The following KMT2D variants were observed in gnomAD, a reference collection of about 807,000 sequenced individuals.
KMT2D encodes the protein lysine methyltransferase 2D, also known as histone-lysine N-methyltransferase 2D.
KMT2D carries 55 observed loss-of-function variants against 512.7 expected under a neutral mutation model. The observed-to-expected ratio is 0.11, with a 90% CI of 0.09 to 0.13. The LOEUF (loss-of-function observed/expected upper bound fraction) is 0.13, where lower values mean the gene tolerates loss of function less well. Ranked by LOEUF, KMT2D falls within the 10% of genes least tolerant of loss-of-function variation. The pLI is 1.00. For missense variants in KMT2D, 6,061 were observed against 7,127.9 expected (o/e 0.85, Z 5.39); for synonymous variants, 2,995 against 2,904.0 (o/e 1.03, Z -1.01).
chr12:49,044,441 T>A lies in KMT2D; in HGVS notation c.5045A>T (p.Glu1682Val). ...PDVEPGKEET[E>V]ESKKRKRKPY... is the part of the protein sequence containing the mutation. ...TTTACGCTTGCGTTTTTTGCTTTCCTCGGTCTCCTCTTTGCCAGGCTCCAC... is the reference window on the plus strand; with the variant it reads ...TTTACGCTTGCGTTTTTTGCTTTCCACGGTCTCCTCTTTGCCAGGCTCCAC... Residue 1682 changes from glutamate to valine, a missense_variant, in exon 21 of 55, where the codon GAG becomes GTG. Around this residue, in one of 16 missense-constraint regions of KMT2D, gnomAD observed 640 missense variants for 814.3 expected, o/e 0.79. Coordinates refer to ENST00000301067, the MANE Select transcript of KMT2D (RefSeq NM_003482.4). This position sits in a 1 kb window ranked among gnomAD's most constrained non-coding sequence, Gnocchi z 6.4. 1.9e-6 allele frequency: 3 copies of A among 1,613,870 alleles called. No homozygotes were observed. The highest frequency in any genetic ancestry group is 2.5e-6 in the Non-Finnish European group (3 of 1,179,872).
rs1592131508 is a variant in KMT2D, at chr12:49,038,572, A to T, written c.8784T>A (p.Gly2928=). The T allele has an allele frequency of 6.2e-7, 1 of 1,612,222 alleles. No homozygotes were observed. The highest frequency in any genetic ancestry group is 8.5e-7 in the Non-Finnish European group (1 of 1,179,064). ...PEGLRGLAVS[G]LPPQKPSAPP... is the part of the protein sequence containing the mutation. ...GGGCTGAGGGTTTCTGTGGGGGAAGACCTGATACCGCCAGGCCCCGAAGCC... is the reference window on the plus strand; with the variant it reads ...GGGCTGAGGGTTTCTGTGGGGGAAGTCCTGATACCGCCAGGCCCCGAAGCC... Residue 2928 remains glycine, a synonymous_variant, in exon 35 of 55, where the codon GGT becomes GGA. Coordinates refer to ENST00000301067, the MANE Select transcript of KMT2D (RefSeq NM_003482.4). This position sits in a 1 kb window ranked among gnomAD's most constrained non-coding sequence, Gnocchi z 5.7.
At position 49,026,726 on chromosome 12, in the gene KMT2D, C is replaced by T. The variant is rs1342482531; in HGVS notation, c.15240G>A (p.Val5080=). 1.2e-6 allele frequency: 2 copies of T among 1,614,004 alleles called. No individual in the cohort carries two copies. The highest frequency in any genetic ancestry group is 1.7e-6 in the Non-Finnish European group (2 of 1,179,878). ...GCAGTCCTCGGTGCAGGGCAACCTC[C>T]ACATTCATCAGTGCCCCGCCCTGGG... ...YETQGGALMN[V]EVALHRGLLT... The change falls in exon 49 of 55, where the codon GTG becomes GTA. Residue 5080 remains valine (V), a synonymous_variant. Transcript: ENST00000301067. The surrounding 1 kb of genome is among the most constrained non-coding windows in gnomAD (Gnocchi z 9.6).
Position 49,031,186 on chromosome 12 carries a change from T to C in KMT2D, c.13519A>G (p.Ser4507Gly). Residue 4507 changes from serine (S) to glycine (G), a missense_variant, in exon 40 of 55, where the codon AGC becomes GGC. By Grantham distance (56) the Ser-to-Gly change is moderately conservative. Around this residue, in one of 16 missense-constraint regions of KMT2D, gnomAD observed 1,600 missense variants for 1,754.9 expected, o/e 0.91. Coordinates refer to ENST00000301067, the MANE Select transcript of KMT2D (RefSeq NM_003482.4). ...CTCAGAGTACTCACCTCCTTGTTGCTGGGGGTACCCTGTAGTTTCTGCTCC... is the reference window on the plus strand; with the variant it reads ...CTCAGAGTACTCACCTCCTTGTTGCCGGGGGTACCCTGTAGTTTCTGCTCC... ...GLEQKLQGTPSNKEDAAARKP... is the reference protein window; with the variant it reads ...GLEQKLQGTPGNKEDAAARKP... 2.5e-6 allele frequency: 4 copies of C among 1,608,544 alleles called. No homozygotes were observed. Among genetic ancestry groups the C allele is most frequent in the African/African-American group, 1.3e-5 (1 of 74,982 alleles).
At position 49,034,647 on chromosome 12, in the gene KMT2D, C is replaced by A; in HGVS notation, c.10375G>T (p.Ala3459Ser). The A allele has an allele frequency of 1.9e-6, 3 of 1,613,306 alleles. No homozygotes were observed. The highest frequency in any genetic ancestry group is 2.5e-6 in the Non-Finnish European group (3 of 1,179,664). ...CTAGGTCCCCCCGAGAGCCTCTGGGCTAGCAGAGACACTTGCTGTCTGGAG... is the reference window on the plus strand; with the variant it reads ...CTAGGTCCCCCCGAGAGCCTCTGGGATAGCAGAGACACTTGCTGTCTGGAG... ...GMNRQQVSLL[A>S]QRLSGGPSSD... The change falls in exon 37 of 55, where the codon GCC becomes TCC. Residue 3459 changes from alanine (A) to serine (S), a missense_variant. By Grantham distance (99) the Ala-to-Ser change is moderately conservative (BLOSUM62 1). Around this residue, in one of 16 missense-constraint regions of KMT2D, gnomAD observed 533 missense variants for 539.6 expected, o/e 0.99. Transcript: ENST00000301067.
chr12:49,042,100 T>C lies in KMT2D; in HGVS notation c.6098A>G (p.Gln2033Arg). 1.9e-6 allele frequency: 3 copies of C among 1,613,770 alleles called. No homozygotes were observed. The highest frequency in any genetic ancestry group is 2.5e-6 in the Non-Finnish European group (3 of 1,179,774). The change falls in exon 29 of 55, where the codon CAA (glutamine) becomes CGA (arginine). Residue 2033 changes from glutamine to arginine, a missense_variant. Coordinates refer to ENST00000301067, the MANE Select transcript of KMT2D (RefSeq NM_003482.4). The surrounding 1 kb of genome is among the most constrained non-coding windows in gnomAD (Gnocchi z 4.4). ...CATCCCACAGGTACCTGGGTAGTCTTGCTTGAGATTAGGAAAATTAATGTT... is the reference window on the plus strand; with the variant it reads ...CATCCCACAGGTACCTGGGTAGTCTCGCTTGAGATTAGGAAAATTAATGTT... Reference protein sequence around the residue: ...YANINFPNLKQDYPDWSSRCK... With the variant: ...YANINFPNLKRDYPDWSSRCK...
rs766537639 is a variant in KMT2D at position 49,044,831 on chromosome 12, A to G, written c.4876T>C (p.Leu1626=). The change falls in exon 20 of 55, where the codon TTG becomes CTG. Residue 1626 remains leucine (L), a synonymous_variant. Coordinates refer to ENST00000301067, the MANE Select transcript of KMT2D (RefSeq NM_003482.4). This position sits in a 1 kb window ranked among gnomAD's most constrained non-coding sequence, Gnocchi z 6.4. The stretch of plus-strand genomic sequence containing the variant: ...GCATCTGAGGGCTCAGAACCCTCCA[A>G]TCCTGCCTCGCCTGGGAGGCCAAGC... ...GRLGLPGEAG[L]EGSEPSDALG... is the part of the protein sequence containing the mutation. 1 of 1,613,736 alleles carries G rather than the reference A, an allele frequency of 6.2e-7. No homozygotes were observed. Among genetic ancestry groups the G allele is most frequent in the Non-Finnish European group, 8.5e-7 (1 of 1,179,816 alleles).
rs1396382997 is a variant in KMT2D at position 49,046,715 on chromosome 12, C to T, written c.4312G>A (p.Asp1438Asn). The change falls in exon 16 of 55, where the codon GAC (aspartate) becomes AAC (asparagine). Residue 1438 changes from aspartate to asparagine, a missense_variant. Asp to Asn is a conservative substitution (Grantham distance 23). Around this residue, in one of 16 missense-constraint regions of KMT2D, gnomAD observed 53 missense variants for 148.3 expected, o/e 0.36. Transcript: ENST00000301067. The surrounding 1 kb of genome is among the most constrained non-coding windows in gnomAD (Gnocchi z 4.2). ...IVCEVCGQAS[D>N]PSRLLLCDDC... ...TCACAGAGCAGCAGGCGTGAGGGGT[C>T]GGAGGCCTGGCCACACACCTCACAC... is the stretch of plus-strand genomic sequence containing the variant. 1.9e-6 allele frequency: 3 copies of T among 1,613,880 alleles called. No homozygotes were observed. The highest frequency in any genetic ancestry group is 1.7e-6 in the Non-Finnish European group (2 of 1,179,856).
chr12:49,019,214 A>T lies in KMT2D; in HGVS notation c.*2566T>A. 1.0e-6 allele frequency: 1 copy of T among 1,003,264 alleles called. No individual in the cohort carries two copies. Among genetic ancestry groups the T allele is most frequent in the Non-Finnish European group, 1.2e-6 (1 of 819,326 alleles). The allele number at this position is 1,003,264 out of a possible 1,614,324, so 62.1% of individuals were successfully genotyped here. A position where few individuals can be genotyped will look rare whatever the true frequency, so the allele number is the denominator to read the frequency against. On this transcript the variant is annotated 3_prime_UTR_variant, in exon 55 of 55. Coordinates refer to ENST00000301067, the MANE Select transcript of KMT2D (RefSeq NM_003482.4). ...CCTTGCTGTACAGGATACACACAAC[A>T]CAAAATAAAGTCTTCACGGGATTCA...
intron 46 of KMT2D, 71 bp downstream of exon 46, chr12:49,028,757 T>C (rs1298608938): frequency 5.7e-6 from 9 of 1,585,984 alleles, no homozygotes; most frequent in Non-Finnish European, 7.7e-6. Context: ...CATTTTTCCT[T>C]ATCCAGACAA....
At position 49,049,199 on chromosome 12, in the gene KMT2D, G is replaced by A. The variant is rs868758414; in HGVS notation, c.3926C>T (p.Pro1309Leu). Residue 1309 changes from proline to leucine, a missense_variant, in exon 13 of 55, where the codon CCA (proline) becomes CTA (leucine). Around this residue, in one of 16 missense-constraint regions of KMT2D, gnomAD observed 447 missense variants for 500.1 expected, o/e 0.89. Coordinates refer to ENST00000301067, the MANE Select transcript of KMT2D (RefSeq NM_003482.4). ...RIKQGRSSSFPGRRRPRGGAH... is the reference protein window; with the variant it reads ...RIKQGRSSSFLGRRRPRGGAH... ...TCCTCCACGAGGCCGGCGTCTTCCT[G>A]GGAAACTGCTGCTGCGACCCTGAGT... The A allele has an allele frequency of 8.1e-6, 13 of 1,605,364 alleles. No homozygotes were observed. The Middle Eastern group carries it at 2.2e-3, about 266-fold the overall frequency.
chr12:49,058,872 G>A (rs1317160029), intron 1 of KMT2D, among the ~76,000 whole-genome samples: 1 of 152,120 alleles, frequency 6.6e-6, no homozygotes, highest in Non-Finnish European at 1.5e-5. Flanking sequence ...AATCTCAACG[G>A]CCTCCTCTAT....
In KMT2D at chr12:49,046,911, T is replaced by C; in HGVS notation, c.4237-121A>G. 1 of 844,772 alleles carries C rather than the reference T, an allele frequency of 1.2e-6. No homozygotes were observed. The highest frequency in any genetic ancestry group is 1.8e-6 in the Non-Finnish European group (1 of 556,152). 52.3% of individuals were successfully genotyped at this position (844,772 alleles called of 1,614,324 possible). ...CCCAGGCTGGAGTGCAATGGCGCGA[T>C]CTCGGCTCACTGCAACCTCTGCCTC... On this transcript the variant is annotated intron_variant, in intron 15 of 54. Transcript: ENST00000301067. This position sits in a 1 kb window ranked among gnomAD's most constrained non-coding sequence, Gnocchi z 4.2.
At position 49,037,941 on chromosome 12, in the gene KMT2D, G is replaced by A. The variant is rs551794772; in HGVS notation, c.9415C>T (p.Pro3139Ser). 1.9e-6 allele frequency: 3 copies of A among 1,604,008 alleles called. No homozygotes were observed. Among genetic ancestry groups the A allele is most frequent in the African/African-American group, 2.7e-5 (2 of 74,870 alleles). The change falls in exon 35 of 55, where the codon CCC becomes TCC. Residue 3139 changes from proline (P) to serine (S), a missense_variant. Physicochemically the swap from Pro to Ser is moderately conservative, Grantham distance 74. Coordinates refer to ENST00000301067, the MANE Select transcript of KMT2D (RefSeq NM_003482.4). Reference sequence around the variant, plus strand: ...GCAGCAGGTGCGGGCTCTACCTTGGGGGTAGCAATGGTGAATTGGCAAGGA... The same window carrying A: ...GCAGCAGGTGCGGGCTCTACCTTGGAGGTAGCAATGGTGAATTGGCAAGGA... ...PSPCQFTIAT[P>S]KVEPAPAANS... is the part of the protein sequence containing the mutation.
Position 49,042,200 on chromosome 12 carries a change from G to T in KMT2D, c.5998C>A (p.Gln2000Lys). The change falls in exon 29 of 55, where the codon CAG (glutamine) becomes AAG (lysine). Residue 2000 changes from glutamine to lysine, a missense_variant. Gln to Lys is a moderately conservative substitution (Grantham distance 53). Coordinates refer to ENST00000301067, the MANE Select transcript of KMT2D (RefSeq NM_003482.4). This position sits in a 1 kb window ranked among gnomAD's most constrained non-coding sequence, Gnocchi z 4.4. ...EGEGDGLSYN[Q>K]RSLQRWEKDE... Reference sequence around the variant, plus strand: ...TTCTCCCAGCGCTGAAGACTCCGCTGGTTATAGGAGAGTCCGTCGCCCTCA... The same window carrying T: ...TTCTCCCAGCGCTGAAGACTCCGCTTGTTATAGGAGAGTCCGTCGCCCTCA... The T allele has an allele frequency of 6.2e-7, 1 of 1,608,828 alleles. No individual in the cohort carries two copies. Among genetic ancestry groups the T allele is most frequent in the Non-Finnish European group, 8.5e-7 (1 of 1,177,732 alleles).
At position 49,046,023 on chromosome 12, in the gene KMT2D, C is replaced by T. The variant is rs1203352893; in HGVS notation, c.4693+42G>A. 1.9e-6 allele frequency: 3 copies of T among 1,612,590 alleles called. No homozygotes were observed. Among genetic ancestry groups the T allele is most frequent in the Middle Eastern group, 1.7e-4 (1 of 6,060 alleles). ...GAGGTCCTGTCCCAAAGCAAGGTACCCCTGCTCTGACTCCTCCCCCTACCC... is the reference window on the plus strand; with the variant it reads ...GAGGTCCTGTCCCAAAGCAAGGTACTCCTGCTCTGACTCCTCCCCCTACCC... On this transcript the variant is annotated intron_variant, in intron 18 of 54. Coordinates refer to ENST00000301067, the MANE Select transcript of KMT2D (RefSeq NM_003482.4). The surrounding 1 kb of genome is among the most constrained non-coding windows in gnomAD (Gnocchi z 4.2).
In KMT2D at chr12:49,030,659, G is replaced by GC. The variant is rs797044740; in HGVS notation, c.13780dup (p.Ala4594GlyfsTer12). The GC allele has an allele frequency of 6.2e-7, 1 of 1,611,078 alleles. No individual in the cohort carries two copies. On this transcript the variant is annotated frameshift_variant, in exon 42 of 55. Transcript: ENST00000301067. LOFTEE classifies it high-confidence loss of function. Reference sequence around the variant, plus strand: ...AGTGGGCAGCGCCCCACTTCCAAAGGCCCCCCTCAGCTGGCTCTGCCCATT... The same window carrying GC: ...AGTGGGCAGCGCCCCACTTCCAAAGGCCCCCCCTCAGCTGGCTCTGCCCATT...
In KMT2D at chr12:49,033,252, AAAGCTCCAG is replaced by A; in HGVS notation, c.11444_11452del (p.Pro3815_Ala3817del). 6.4e-7 allele frequency: 1 copy of A among 1,556,524 alleles called. No homozygotes were observed. ...CTGTCTGTGAGGGCCCTGGGGGCCC[AAAGCTCCAG>A]GGTGCTGCTGCTGCAACACAGCCAC... On this transcript the variant is annotated inframe_deletion, in exon 40 of 55. Transcript: ENST00000301067.
rs886049474 is a variant in KMT2D, at chr12:49,031,760, T to C, written c.12945A>G (p.Gln4315=). ...GTAATTGTGAAGGTCTCTTTGGCTC[T>C]TGAGGGCTGGATGGTGGAGGTGTGG... ...VHPTPPPSSP[Q]EPKRPSQLPS... is the part of the protein sequence containing the mutation. The change falls in exon 40 of 55, where the codon CAA becomes CAG. Residue 4315 remains glutamine (Q), a synonymous_variant. Coordinates refer to ENST00000301067, the MANE Select transcript of KMT2D (RefSeq NM_003482.4). The C allele has an allele frequency of 3.7e-6, 6 of 1,612,570 alleles. No homozygotes were observed. Among genetic ancestry groups the C allele is most frequent in the Non-Finnish European group, 5.1e-6 (6 of 1,179,202 alleles).
intron 1 of KMT2D, among the ~76,000 whole-genome samples, chr12:49,059,349 G>A (rs1049272868): frequency 1.3e-5 from 2 of 152,080 alleles, no homozygotes; most frequent in African/African-American, 4.8e-5. Context: ...AAAATAAACA[G>A]GCAGAGAGGC....
Sources: gnomAD v4.1 joint callset for allele counts (sites outside exome capture counted in the v4.1 genomes callset) on GRCh38, gnomAD v4.1.1 for gene constraint, gnomAD v4.1.1 regional missense constraint, Gnocchi (gnomAD v3.1) non-coding constraint, MANE v1.5 for transcripts, NCBI Gene and HGNC (gene_info 2026-07-23, HGNC 2026-07-21) for gene names.